The following EPM2A variants were observed in gnomAD, a reference collection of about 807,000 sequenced individuals.
The protein encoded by EPM2A is laforin.
EPM2A carries 21 observed loss-of-function variants against 26.5 expected under a neutral mutation model. The ratio of observed to expected loss-of-function variants is 0.79; its 90% CI spans 0.56 to 1.14. The LOEUF is 1.14. Among genes scored for constraint, EPM2A ranks in the 50% most tolerant of loss-of-function variants. The pLI, the probability that EPM2A is intolerant of heterozygous loss-of-function variation, is 0.00. For synonymous variants in EPM2A, 217 were observed against 177.6 expected (o/e 1.22, Z -1.76); for missense variants, 458 against 440.8 (o/e 1.04, Z -0.35).
intron 3 of EPM2A, chr6:145,631,304 T>G (rs1057235876): frequency 2.0e-5 from 3 of 152,114 alleles, no homozygotes; most frequent in Non-Finnish European, 2.9e-5. Flanking sequence ...AGGCTCCACA[T>G]AGAATTTAAT....
chr6:145,418,195 AG>A (rs756355211), intron 4 of EPM2A, among the ~76,000 whole-genome samples: 7 of 152,168 alleles, frequency 4.6e-5, no homozygotes, highest in Non-Finnish European at 8.8e-5. Context: ...ACTGCACACA[AG>A]CAACCACTTG....
intron 2 of EPM2A, chr6:145,640,386 G>A (rs1004584011): frequency 5.3e-5 from 8 of 151,918 alleles, no homozygotes; most frequent in African/African-American, 1.4e-4. Flanking sequence ...TGTGTCCATC[G>A]AAAGAAAAAA....
At chr6:145,448,451 A>T (rs945791523) in intron 4 of EPM2A, among the ~76,000 whole-genome samples, 1 of 152,194 alleles carries the variant, frequency 6.6e-6, no homozygotes, top group Non-Finnish European at 1.5e-5. Flanking sequence ...AAGGAGTCAG[A>T]TTATTAAAGA....
intron 1 of EPM2A, among the ~76,000 whole-genome samples, chr6:145,688,124 T>C (rs1781051749): frequency 1.3e-5 from 2 of 152,160 alleles, no homozygotes; most frequent in East Asian, 1.9e-4. Flanking sequence ...ATATTTATCA[T>C]AAGAGCAACT....
chr6:145,638,616 A>G (rs1354664397), intron 2 of EPM2A: 1 of 152,246 alleles, frequency 6.6e-6, no homozygotes, highest in East Asian at 1.9e-4. Context: ...CTTTAAAACA[A>G]GATGTTCTAA....
At chr6:145,417,897 C>T (rs1029853258) in intron 4 of EPM2A, among the ~76,000 whole-genome samples, 2 of 152,138 alleles carry the variant, frequency 1.3e-5, no homozygotes, top group East Asian at 1.9e-4. Flanking sequence ...AGCTGAGCCA[C>T]ACTCCTTCAG....
chr6:145,520,947 T>C (rs1780194843), intron 2 of EPM2A, among the ~76,000 whole-genome samples: 1 of 152,176 alleles, frequency 6.6e-6, no homozygotes, highest in Admixed American at 6.5e-5. Flanking sequence ...AAAGTGATGG[T>C]AAAAGAGAAA....
At chr6:145,399,718 T>C (rs1355869114) in intron 4 of EPM2A, among the ~76,000 whole-genome samples, 1 of 152,208 alleles carries the variant, frequency 6.6e-6, no homozygotes, top group Admixed American at 6.5e-5. Flanking sequence ...TTCTGTACAA[T>C]GGCTCATACC....
intron 4 of EPM2A, among the ~76,000 whole-genome samples, chr6:145,396,522 A>G (rs915736639): frequency 2.6e-5 from 4 of 152,080 alleles, no homozygotes; most frequent in African/African-American, 4.8e-5. Context: ...AAATGATTCA[A>G]TGGAGCAGAC....
In EPM2A at chr6:145,625,991, C is replaced by G; in HGVS notation, c.*1425G>C. The stretch of plus-strand genomic sequence containing the variant: ...TATTTATTCATCATGTGACAATAGA[C>G]AGTTGAGTTAACCCTTCTGACCTTA... On this transcript the variant is annotated 3_prime_UTR_variant, in exon 4 of 4. Transcript: ENST00000367519. The G allele has an allele frequency of 8.7e-7, 1 of 1,153,524 alleles. No homozygotes were observed. The highest frequency in any genetic ancestry group is 1.1e-6 in the Non-Finnish European group (1 of 870,426). 71.5% of individuals were successfully genotyped at this position (1,153,524 alleles called of 1,614,324 possible).
intron 2 of EPM2A, among the ~76,000 whole-genome samples, chr6:145,503,002 G>T (rs1779915033): frequency 1.3e-5 from 2 of 152,144 alleles, no homozygotes; most frequent in African/African-American, 4.8e-5. Flanking sequence ...CTTTAGCTTT[G>T]CCATAACCCA....
intron 2 of EPM2A, among the ~76,000 whole-genome samples, chr6:145,561,251 C>T (rs1430977675): frequency 6.6e-6 from 1 of 150,950 alleles, no homozygotes; most frequent in African/African-American, 2.4e-5. Flanking sequence ...GGTTTGTAAC[C>T]GAGGAGCAAT....
intron 2 of EPM2A, among the ~76,000 whole-genome samples, chr6:145,674,492 C>T (rs900159093): frequency 1.3e-5 from 2 of 151,910 alleles, no homozygotes; most frequent in South Asian, 2.1e-4. Flanking sequence ...CAAATTTGTC[C>T]GAGCCAAACG....
chr6:145,563,800 C>T (rs1296610305), intron 2 of EPM2A, among the ~76,000 whole-genome samples: 1 of 152,096 alleles, frequency 6.6e-6, no homozygotes, highest in African/African-American at 2.4e-5. Flanking sequence ...ACCATAGTGA[C>T]CACAACACTC....
At chr6:145,655,771 C>T (rs535215644) in intron 2 of EPM2A, among the ~76,000 whole-genome samples, 25 of 150,876 alleles carry the variant, frequency 1.7e-4, no homozygotes, top group Admixed American at 7.3e-4. Flanking sequence ...ATATACTAGG[C>T]GGAAAAAAAA....
intron 2 of EPM2A, among the ~76,000 whole-genome samples, chr6:145,543,417 G>A (rs1270313983): frequency 2.0e-5 from 3 of 152,024 alleles, no homozygotes; most frequent in Non-Finnish European, 4.4e-5. Context: ...AAAAGGTCTT[G>A]ATGGAAGTCA....
chr6:145,419,336 C>T (rs1402634698), intron 4 of EPM2A, among the ~76,000 whole-genome samples: 1 of 152,080 alleles, frequency 6.6e-6, no homozygotes, highest in African/African-American at 2.4e-5. Flanking sequence ...AAAGTCCTTC[C>T]AGGTCTAATA....
chr6:145,631,407 G>C (rs998016468), intron 3 of EPM2A: 10 of 152,114 alleles, frequency 6.6e-5, no homozygotes, highest in African/African-American at 2.4e-4. Flanking sequence ...AACTTTAAAT[G>C]CTGACAACTA....
intron 4 of EPM2A, among the ~76,000 whole-genome samples, chr6:145,469,777 C>T (rs573787183): frequency 3.1e-4 from 47 of 152,072 alleles, no homozygotes; most frequent in Non-Finnish European, 6.5e-4. Flanking sequence ...CCTAAGTGTC[C>T]ATCAACAGAT....
Sources: allele counts gnomAD v4.1 joint callset (sites outside exome capture counted in the v4.1 genomes callset), GRCh38; gene constraint gnomAD v4.1.1; transcripts MANE v1.5; gene names NCBI Gene and HGNC (gene_info 2026-07-23, HGNC 2026-07-21).